The following HMGXB3 variants were observed in gnomAD, a reference collection of about 807,000 sequenced individuals.
HMGXB3 encodes HMG-box containing 3, also known as HMG domain-containing protein 3.
A neutral mutation model predicts 121.5 loss-of-function variants in HMGXB3; 45 were observed. That is an observed-to-expected ratio of 0.37 (90% confidence interval 0.29 to 0.47). HMGXB3 has a LOEUF of 0.47. HMGXB3 is among the 20% of genes least tolerant of loss of function. The pLI is 0.99. For synonymous variants in HMGXB3, 590 were observed against 624.1 expected, an observed-to-expected ratio of 0.95 and a Z score of 0.81; for missense variants, 1,376 against 1,602.2, an observed-to-expected ratio of 0.86 and a Z score of 2.41.
chr5:150,018,685 G>A lies in HMGXB3; in HGVS notation c.1029G>A (p.Lys343=), dbSNP rs185570851. The A allele has an allele frequency of 2.6e-4, 405 of 1,550,240 alleles. 1 individual carries two copies. The African/African-American group carries it at 5.0e-3, about 19-fold the overall frequency. Residue 343 remains lysine (K), a synonymous_variant, in exon 6 of 20, where the codon AAG becomes AAA. Coordinates refer to ENST00000502717, the MANE Select transcript of HMGXB3 (RefSeq NM_014983.3). ...CPTCGNFLGG[K]WIPKEKPAKV... ...CCTGTGGTAACTTCCTAGGAGGGAAGTGGATCCCAAAGGTAAGGTCCATTG... is the reference window on the plus strand; with the variant it reads ...CCTGTGGTAACTTCCTAGGAGGGAAATGGATCCCAAAGGTAAGGTCCATTG...
chr5:150,023,552 A>G (rs895423654), intron 6 of HMGXB3, among the ~76,000 whole-genome samples: 5 of 152,240 alleles, frequency 3.3e-5, no homozygotes, highest in African/African-American at 9.6e-5. Context: ...GTGTGTATAT[A>G]TAATACTATT....
At chr5:150,016,238 G>A (rs571138408) in intron 5 of HMGXB3, among the ~76,000 whole-genome samples, 9 of 151,982 alleles carry the variant, frequency 5.9e-5, no homozygotes, top group African/African-American at 1.9e-4. Flanking sequence ...AGCTACTCAG[G>A]GCTGAGGTGG....
rs1350344858 is a variant in HMGXB3 at position 150,049,492 on chromosome 5, C to A, written c.3202-760C>A. Among the ~76,000 whole-genome samples the A allele has an allele frequency of 2.0e-5, 3 of 152,076 alleles. No individual in the cohort carries two copies. In the East Asian group the frequency reaches 5.8e-4, roughly 29 times the overall value. On this transcript the variant is annotated intron_variant, in intron 18 of 19. Coordinates refer to ENST00000502717, the MANE Select transcript of HMGXB3 (RefSeq NM_014983.3). ...GAAGCACATGAGTCAGCAGGGGGATCTAGCTGTAAAAAGAGAATCCAGTTC... is the reference window on the plus strand; with the variant it reads ...GAAGCACATGAGTCAGCAGGGGGATATAGCTGTAAAAAGAGAATCCAGTTC...
intron 13 of HMGXB3, among the ~76,000 whole-genome samples, chr5:150,038,563 A>G (rs10062594): frequency 0.26 from 39,633 of 152,124 alleles, 8,712 homozygotes; most frequent in African/African-American, 0.59. Context: ...GAACAGGTCT[A>G]TCACCCAAAA....
intron 5 of HMGXB3, among the ~76,000 whole-genome samples, chr5:150,015,601 T>G (rs1755942087): frequency 6.6e-6 from 1 of 152,234 alleles, no homozygotes; most frequent in Non-Finnish European, 1.5e-5. Flanking sequence ...TTCTTTCTTT[T>G]CTAATGTAGG....
In HMGXB3 at chr5:150,010,182, A is replaced by G; in HGVS notation, c.384A>G (p.Ser128=). The part of the protein sequence containing the change: ...IPGFRKILPR[S]DYIIIPKSSL... ...GTTTCCGCAAGATCCTCCCACGCTC[A>G]GATTATATCATCATCCCCAAGAGCA... The change falls in exon 4 of 20, where the codon TCA becomes TCG. Residue 128 remains serine, a synonymous_variant. Transcript: ENST00000502717. 1 of 1,551,802 alleles carries G rather than the reference A, an allele frequency of 6.4e-7. No individual in the cohort carries two copies. Among genetic ancestry groups the G allele is most frequent in the South Asian group, 1.2e-5 (1 of 84,062 alleles).
At chr5:150,018,284 G>A (rs980190837) in intron 5 of HMGXB3, among the ~76,000 whole-genome samples, 1 of 152,206 alleles carries the variant, frequency 6.6e-6, no homozygotes, top group African/African-American at 2.4e-5. Context: ...TTAGCATTGT[G>A]TGGTGCCTAG....
chr5:150,030,471 A>G, intron 9 of HMGXB3: 1 of 358,454 alleles, frequency 2.8e-6, no homozygotes, highest in Non-Finnish European at 5.2e-6. Context: ...ATGTGCTTTT[A>G]TAACTCAGTA....
intron 6 of HMGXB3, 146 bp from the exon 7 acceptor site, chr5:150,024,116 C>T: frequency 1.5e-6 from 1 of 685,862 alleles, no homozygotes. Flanking sequence ...GCTAGTTTTA[C>T]ACTTGAGATC....
intron 6 of HMGXB3, among the ~76,000 whole-genome samples, chr5:150,022,986 ATTTTTTT>A (rs56092645): frequency 1.1e-3 from 116 of 100,870 alleles, no homozygotes; most frequent in Non-Finnish European, 1.8e-3. Flanking sequence ...TGCCTGGCTA[ATTTTTTT>A]TTTTTTTTTT....
chr5:150,043,189 T>A (rs1027061211), intron 15 of HMGXB3, among the ~76,000 whole-genome samples: 1 of 152,224 alleles, frequency 6.6e-6, no homozygotes, highest in Non-Finnish European at 1.5e-5. Flanking sequence ...ACACCCATAT[T>A]TATGATAAAA....
chr5:150,043,844 C>A (rs1196607956), intron 15 of HMGXB3, among the ~76,000 whole-genome samples: 1 of 152,226 alleles, frequency 6.6e-6, no homozygotes, highest in Non-Finnish European at 1.5e-5. Flanking sequence ...TGACCTTGCT[C>A]TTTCTCAGCC....
intron 11 of HMGXB3, among the ~76,000 whole-genome samples, chr5:150,032,947 G>T (rs1400040074): frequency 6.6e-6 from 1 of 152,194 alleles, no homozygotes; most frequent in Non-Finnish European, 1.5e-5. Flanking sequence ...CCTGTAAGTT[G>T]ATTTACTGTT....
chr5:150,004,590 C>T lies in HMGXB3; in HGVS notation c.-2-261C>T, dbSNP rs368345668. Among the ~76,000 whole-genome samples, 220 of 152,242 alleles carry T rather than the reference C, an allele frequency of 1.4e-3. 2 individuals carry two copies. In the South Asian group the frequency reaches 0.035, roughly 25 times the overall value. On this transcript the variant is annotated intron_variant, in intron 1 of 19. Transcript: ENST00000502717. ...CTAAGGCAGTGGTCACAAACTTGCC[C>T]GGTCTGAGGAATCACCTGAGGCATT...
chr5:150,035,778 A>G (rs1398591192), intron 11 of HMGXB3, among the ~76,000 whole-genome samples: 1 of 152,190 alleles, frequency 6.6e-6, no homozygotes, highest in Non-Finnish European at 1.5e-5. Flanking sequence ...TGCTTGAGAA[A>G]GACCTATTTT....
At chr5:150,034,004 C>G (rs566119341) in intron 11 of HMGXB3, among the ~76,000 whole-genome samples, 7 of 152,198 alleles carry the variant, frequency 4.6e-5, no homozygotes, top group African/African-American at 1.4e-4. Context: ...TTTAGTTTCT[C>G]CATTGGTAAA....
At chr5:150,039,868 A>G (rs1756586781) in intron 13 of HMGXB3, among the ~76,000 whole-genome samples, 1 of 152,182 alleles carries the variant, frequency 6.6e-6, no homozygotes. Context: ...ATACTCCAAA[A>G]TTTGCTTTTG....
chr5:150,053,029 T>C lies in HMGXB3; in HGVS notation c.*837T>C, dbSNP rs529928112. 3.6e-4 allele frequency: 61 copies of C among 167,622 alleles called. No homozygotes were observed. The East Asian group carries it at 7.2e-3, about 20-fold the overall frequency. The allele number at this position is 167,622 out of a possible 1,614,324, so 10.4% of individuals were successfully genotyped here. ...GACTGGCTCAAGTGCCCAAGGTTTG[T>C]TTAGGGCCTGGGAATTGGCCATGTG... On this transcript the variant is annotated 3_prime_UTR_variant, in exon 20 of 20. Coordinates refer to ENST00000502717, the MANE Select transcript of HMGXB3 (RefSeq NM_014983.3).
intron 3 of HMGXB3, among the ~76,000 whole-genome samples, chr5:150,007,909 T>C (rs1198888588): frequency 6.6e-6 from 1 of 151,918 alleles, no homozygotes; most frequent in Non-Finnish European, 1.5e-5. Context: ...AGGAAAAGAT[T>C]AGCCAGGCGT....
Sources: gnomAD v4.1 joint callset for allele counts (sites outside exome capture counted in the v4.1 genomes callset) on GRCh38, gnomAD v4.1.1 for gene constraint, MANE v1.5 for transcripts, NCBI Gene and HGNC (gene_info 2026-07-23, HGNC 2026-07-21) for gene names.